Variants in ANKRD12 observed in about 807,000 individuals in gnomAD.
The protein encoded by ANKRD12 is ankyrin repeat domain-containing protein 12.
A neutral mutation model predicts 183.4 loss-of-function variants in ANKRD12; 85 were observed. That is an observed-to-expected ratio of 0.46 (90% confidence interval 0.39 to 0.56). The LOEUF (loss-of-function observed/expected upper bound fraction) is 0.56. Among genes scored for constraint, ANKRD12 ranks in the 20% least tolerant of loss-of-function variants. The probability of loss-of-function intolerance (pLI) is 0.00; values close to 1 mark genes in which losing one functional copy is unlikely to be tolerated. For missense variants in ANKRD12, 2,405 were observed against 2,357.1 expected (o/e 1.02, Z -0.42); for synonymous variants, 914 against 800.2 (o/e 1.14, Z -2.40).
At chr18:9,229,342 A>T (rs1475196973) in intron 8 of ANKRD12, among the ~76,000 whole-genome samples, 1 of 152,122 alleles carries the variant, frequency 6.6e-6, no homozygotes, top group Non-Finnish European at 1.5e-5. Flanking sequence ...TGACATTGAT[A>T]TTTTGATGGG....
chr18:9,181,946 A>T (rs2033727738), intron 1 of ANKRD12, among the ~76,000 whole-genome samples: 1 of 152,210 alleles, frequency 6.6e-6, no homozygotes, highest in South Asian at 2.1e-4. Flanking sequence ...TAGGGATTTT[A>T]AATGGGAAGG....
intron 2 of ANKRD12, among the ~76,000 whole-genome samples, chr18:9,185,203 T>C (rs893851900): frequency 6.6e-6 from 1 of 152,246 alleles, no homozygotes; most frequent in Non-Finnish European, 1.5e-5. Context: ...CAGTTCATTA[T>C]AGCCTTGTGT....
At chr18:9,145,781 T>C (rs1331004442) in intron 1 of ANKRD12, among the ~76,000 whole-genome samples, 1 of 152,242 alleles carries the variant, frequency 6.6e-6, no homozygotes, top group African/African-American at 2.4e-5. Context: ...ATACACATTT[T>C]CTTAGAAAGT....
At chr18:9,279,213 A>G (rs1292661916) in intron 11 of ANKRD12, among the ~76,000 whole-genome samples, 2 of 152,230 alleles carry the variant, frequency 1.3e-5, no homozygotes, top group East Asian at 1.9e-4. Context: ...AAACTGTAAC[A>G]TTAAAATTAA....
chr18:9,218,926 G>T (rs193271141), intron 7 of ANKRD12, among the ~76,000 whole-genome samples: 1 of 152,074 alleles, frequency 6.6e-6, no homozygotes, highest in Non-Finnish European at 1.5e-5. Flanking sequence ...CTCCCAAAGC[G>T]TTGGGATTAT....
At chr18:9,195,803 T>C (rs2034751507) in intron 3 of ANKRD12, 105 bp downstream of exon 3, 3 of 1,026,648 alleles carry the variant, frequency 2.9e-6, no homozygotes, top group Non-Finnish European at 4.1e-6. Context: ...TAGAGAAATA[T>C]TTGTATTTCA....
At chr18:9,140,617 A>G (rs1383703479) in intron 1 of ANKRD12, among the ~76,000 whole-genome samples, 9 of 152,178 alleles carry the variant, frequency 5.9e-5, no homozygotes. Flanking sequence ...AGGTACGCAA[A>G]AGGAGGAGAT....
At chr18:9,194,172 G>A (rs7229685) in intron 2 of ANKRD12, among the ~76,000 whole-genome samples, 16,654 of 151,954 alleles carry the variant, frequency 0.11, 1,072 homozygotes, top group African/African-American at 0.16. Flanking sequence ...AAATTATGTG[G>A]CAGGACTATT....
At chr18:9,156,079 G>A (rs2030381614) in intron 1 of ANKRD12, among the ~76,000 whole-genome samples, 1 of 148,100 alleles carries the variant, frequency 6.8e-6, no homozygotes. Flanking sequence ...TGGAGGTTGT[G>A]GTGAGTCAAG....
intron 3 of ANKRD12, 35 bp from the exon 4 acceptor site, chr18:9,204,440 CT>C: frequency 6.7e-7 from 1 of 1,491,930 alleles, no homozygotes. Context: ...CCTCCGTGTG[CT>C]TTTTTCTCTT....
chr18:9,214,903 C>A (rs1457890024), intron 6 of ANKRD12, among the ~76,000 whole-genome samples: 1 of 151,984 alleles, frequency 6.6e-6, no homozygotes, highest in East Asian at 1.9e-4. Context: ...AAAAGGCGTA[C>A]CTATAGATTA....
At chr18:9,157,870 G>A (rs980323574) in intron 1 of ANKRD12, among the ~76,000 whole-genome samples, 2 of 152,034 alleles carry the variant, frequency 1.3e-5, no homozygotes, top group African/African-American at 4.8e-5. Context: ...CAAAAATAAA[G>A]TAAGTGGCTT....
At chr18:9,167,773 G>C (rs542977157) in intron 1 of ANKRD12, among the ~76,000 whole-genome samples, 164 of 152,224 alleles carry the variant, frequency 1.1e-3, no homozygotes, top group Middle Eastern at 3.4e-3. Flanking sequence ...GAGTGGTGAG[G>C]GAGGGCATCT....
chr18:9,193,340 C>T (rs1250836754), intron 2 of ANKRD12, among the ~76,000 whole-genome samples: 3 of 151,964 alleles, frequency 2.0e-5, no homozygotes, highest in South Asian at 4.2e-4. Flanking sequence ...AGGTCAGGGT[C>T]CCCCTGTGTG....
chr18:9,173,625 G>T (rs1047889917), intron 1 of ANKRD12, among the ~76,000 whole-genome samples: 4 of 147,486 alleles, frequency 2.7e-5, no homozygotes, highest in African/African-American at 7.6e-5. Context: ...GTGGGGGGGG[G>T]GTAGGGGGGG....
At position 9,167,677 on chromosome 18, in the gene ANKRD12, A is replaced by G. The variant is rs1008486035; in HGVS notation, c.-51-14705A>G. ...GTCATCTGCAAACAGGGACAATTTGACTTCCTCTTTTCCTAATTGAATACC... is the reference window on the plus strand; with the variant it reads ...GTCATCTGCAAACAGGGACAATTTGGCTTCCTCTTTTCCTAATTGAATACC... On this transcript the variant is annotated intron_variant, in intron 1 of 12. Coordinates refer to ENST00000262126, the MANE Select transcript of ANKRD12 (RefSeq NM_015208.5). 1.4e-4 allele frequency among the ~76,000 whole-genome samples: 21 copies of G among 152,102 alleles called. 2 individuals carry two copies. Among genetic ancestry groups the G allele is most frequent in the Non-Finnish European group, 2.6e-4 (18 of 68,024 alleles).
chr18:9,162,793 A>ATT (rs1568237614), intron 1 of ANKRD12, among the ~76,000 whole-genome samples: 1 of 130,456 alleles, frequency 7.7e-6, no homozygotes, highest in African/African-American at 2.6e-5. Flanking sequence ...GCATTTCTCT[A>ATT]ATCAGTGATA....
At chr18:9,206,844 A>G (rs2035515381) in intron 4 of ANKRD12, among the ~76,000 whole-genome samples, 1 of 151,536 alleles carries the variant, frequency 6.6e-6, no homozygotes, top group Admixed American at 6.6e-5. Context: ...TTGTGTTAAA[A>G]TGCAGTCAAA....
chr18:9,139,947 T>C (rs1477531623), intron 1 of ANKRD12, among the ~76,000 whole-genome samples: 1 of 152,198 alleles, frequency 6.6e-6, no homozygotes, highest in Non-Finnish European at 1.5e-5. Context: ...CTAATTTGCC[T>C]CTTTCTTTAG....
Sources: gnomAD v4.1 joint callset for allele counts (sites outside exome capture counted in the v4.1 genomes callset) on GRCh38, gnomAD v4.1.1 for gene constraint, MANE v1.5 for transcripts, NCBI Gene and HGNC (gene_info 2026-07-23, HGNC 2026-07-21) for gene names.